DCUN1D1: variants seen among roughly 807,000 people sequenced by gnomAD.
DCUN1D1 encodes DCN1-like protein 1.
A neutral mutation model predicts 39.0 loss-of-function variants in DCUN1D1; 3 were observed. The ratio of observed to expected loss-of-function variants is 0.08; its 90% CI spans 0.04 to 0.20. The LOEUF (loss-of-function observed/expected upper bound fraction) is 0.20. Ranked by LOEUF, DCUN1D1 falls within the 10% of genes least tolerant of loss-of-function variation. The probability of loss-of-function intolerance (pLI) is 1.00; values close to 1 mark genes in which losing one functional copy is unlikely to be tolerated. For synonymous variants in DCUN1D1, 82 were observed against 96.3 expected, an observed-to-expected ratio of 0.85 and a Z score of 0.87; for missense variants, 158 against 302.4, an observed-to-expected ratio of 0.52 and a Z score of 3.54.
intron 1 of DCUN1D1, among the ~76,000 whole-genome samples, chr3:182,969,988 CT>C (rs2108386598): frequency 6.6e-6 from 1 of 152,282 alleles, no homozygotes; most frequent in African/African-American, 2.4e-5. Context: ...GGTGCAGTAA[CT>C]CACGCCTGTA....
chr3:182,947,877 T>C (rs1726498238), intron 4 of DCUN1D1, among the ~76,000 whole-genome samples: 1 of 152,240 alleles, frequency 6.6e-6, no homozygotes, highest in Non-Finnish European at 1.5e-5. Flanking sequence ...GGGAATTCTG[T>C]GTTTTAAATT....
chr3:182,940,268 T>C lies in DCUN1D1; in HGVS notation c.*4826A>G, dbSNP rs1023878327. ...TATTTCATAACCTGAAATAAAATTA[T>C]AATATTCATATGAACATGCATTTGA... is the stretch of plus-strand genomic sequence containing the variant. On this transcript the variant is annotated 3_prime_UTR_variant, in exon 7 of 7. Coordinates refer to ENST00000292782, the MANE Select transcript of DCUN1D1 (RefSeq NM_020640.4). 2 of 152,192 alleles carry C rather than the reference T, an allele frequency of 1.3e-5. No homozygotes were observed. Among genetic ancestry groups the C allele is most frequent in the African/African-American group, 4.8e-5 (2 of 41,460 alleles). 9.4% of individuals were successfully genotyped at this position (152,192 alleles called of 1,614,324 possible).
upstream of DCUN1D1, among the ~76,000 whole-genome samples, chr3:182,983,831 C>T (rs1367036283): frequency 1.3e-5 from 2 of 152,182 alleles, no homozygotes; most frequent in African/African-American, 4.8e-5. Context: ...ACCAAGATCT[C>T]AGTACTCAAC....
At chr3:182,984,888 A>G (rs2108416004), upstream of DCUN1D1, among the ~76,000 whole-genome samples, 1 of 152,302 alleles carries the variant, frequency 6.6e-6, no homozygotes, top group South Asian at 2.1e-4. Context: ...TTAAGCCTGC[A>G]GGGTAAACTA....
chr3:182,973,058 G>T (rs1173068788), intron 1 of DCUN1D1, among the ~76,000 whole-genome samples: 1 of 151,992 alleles, frequency 6.6e-6, no homozygotes, highest in South Asian at 2.1e-4. Context: ...AAAAGGGGGG[G>T]GCTCTGTATT....
chr3:182,973,667 C>A (rs1465392893), intron 1 of DCUN1D1, among the ~76,000 whole-genome samples: 1 of 151,980 alleles, frequency 6.6e-6, no homozygotes, highest in South Asian at 2.1e-4. Context: ...ATTAGCTGGG[C>A]ATGGTGGCGT....
upstream of DCUN1D1, among the ~76,000 whole-genome samples, chr3:182,985,049 C>T (rs986246435): frequency 1.3e-5 from 2 of 152,134 alleles, no homozygotes; most frequent in African/African-American, 2.4e-5. Flanking sequence ...AGGGTAAATG[C>T]GATTGACTGA....
At chr3:182,980,099 C>T in intron 1 of DCUN1D1, 1 of 944,444 alleles carries the variant, frequency 1.1e-6, no homozygotes, top group Non-Finnish European at 1.3e-6. Context: ...CCCCAGTCCC[C>T]GACCAGACAC....
chr3:182,952,839 T>C (rs1306351998), intron 4 of DCUN1D1, among the ~76,000 whole-genome samples: 1 of 152,244 alleles, frequency 6.6e-6, no homozygotes, highest in Non-Finnish European at 1.5e-5. Context: ...ATATTCCTCA[T>C]TTCTAACTAA....
rs1216399451 is a variant in DCUN1D1 at position 182,939,756 on chromosome 3, A to C, written c.*5338T>G. The C allele has an allele frequency of 6.6e-6, 1 of 152,194 alleles. No homozygotes were observed. 9.4% of individuals were successfully genotyped at this position (152,194 alleles called of 1,614,324 possible). A position where few individuals can be genotyped will look rare whatever the true frequency, so the allele number is the denominator to read the frequency against. The stretch of plus-strand genomic sequence containing the variant: ...TTGGGGGCTGATGGACATGTTCTAA[A>C]ATTGGACTGCACAACTCTTAAGTTT... On this transcript the variant is annotated 3_prime_UTR_variant, in exon 7 of 7. Transcript: ENST00000292782.
At chr3:182,956,180 A>T (rs528439614) in intron 4 of DCUN1D1, 63 of 224,626 alleles carry the variant, frequency 2.8e-4, no homozygotes, top group African/African-American at 1.5e-3. Flanking sequence ...CACCCACCTC[A>T]GCCTCCAAAG....
intron 4 of DCUN1D1, among the ~76,000 whole-genome samples, chr3:182,959,923 C>T (rs1003054953): frequency 2.0e-5 from 3 of 152,222 alleles, no homozygotes; most frequent in Non-Finnish European, 2.9e-5. Context: ...TATTATAAAG[C>T]GAGGCTTCCC....
At chr3:182,980,144 TGCCCCCTCCCCTCCCCCC>T in intron 1 of DCUN1D1, 1 of 838,048 alleles carries the variant, frequency 1.2e-6, no homozygotes, top group Non-Finnish European at 1.4e-6. Context: ...GCAAGGCCGT[TGCCCCCTCCCCTCCCCCC>T]GCCCCAACGC....
At chr3:182,962,722 G>C (rs1185396394) in intron 3 of DCUN1D1, among the ~76,000 whole-genome samples, 1 of 152,128 alleles carries the variant, frequency 6.6e-6, no homozygotes, top group Non-Finnish European at 1.5e-5. Flanking sequence ...TTATCCCTTT[G>C]ACAGAGTAAA....
intron 1 of DCUN1D1, among the ~76,000 whole-genome samples, chr3:182,972,930 T>A (rs1036726703): frequency 3.3e-5 from 5 of 152,014 alleles, no homozygotes; most frequent in Non-Finnish European, 5.9e-5. Flanking sequence ...TAATCCCAGC[T>A]ACTCAGGAGG....
At chr3:182,976,444 T>TACACACACACACAC (rs59465164) in intron 1 of DCUN1D1, among the ~76,000 whole-genome samples, 5 of 140,682 alleles carry the variant, frequency 3.6e-5, no homozygotes, top group African/African-American at 1.1e-4. Flanking sequence ...TATACATACA[T>TACACACACACACAC]ACACACACAC....
rs777028043 is a variant in DCUN1D1 at position 182,961,341 on chromosome 3, T to C, written c.405A>G (p.Glu135=). The C allele has an allele frequency of 1.3e-6, 2 of 1,599,966 alleles. No homozygotes were observed. The highest frequency in any genetic ancestry group is 1.7e-6 in the Non-Finnish European group (2 of 1,175,346). Residue 135 remains glutamate, a synonymous_variant, in exon 4 of 7, where the codon GAA becomes GAG. Transcript: ENST00000292782. Reference sequence around the variant, plus strand: ...TCTTGGGTATCTGGGCCTTTAGTTTTTCTATGCTGTCACATCTGCGTCGTA... The same window carrying C: ...TCTTGGGTATCTGGGCCTTTAGTTTCTCTATGCTGTCACATCTGCGTCGTA... ...GMTELGCDSI[E]KLKAQIPKME...
At chr3:182,951,708 T>C (rs1039953324) in intron 4 of DCUN1D1, among the ~76,000 whole-genome samples, 15 of 149,182 alleles carry the variant, frequency 1.0e-4, no homozygotes, top group African/African-American at 3.7e-4. Context: ...TTTTTTTTTT[T>C]TTTTTGAGAC....
In DCUN1D1 at chr3:182,941,206, C is replaced by A. The variant is rs1345160797; in HGVS notation, c.*3888G>T. ...ACTATTTGCCTCCAGAAATCGGGTACAAATAAAGCAAATATTTAAGAAAAA... is the reference window on the plus strand; with the variant it reads ...ACTATTTGCCTCCAGAAATCGGGTAAAAATAAAGCAAATATTTAAGAAAAA... On this transcript the variant is annotated 3_prime_UTR_variant, in exon 7 of 7. Transcript: ENST00000292782. 1 of 151,882 alleles carries A rather than the reference C, an allele frequency of 6.6e-6. No homozygotes were observed. The highest frequency in any genetic ancestry group is 1.5e-5 in the Non-Finnish European group (1 of 67,940). The allele number at this position is 151,882 out of a possible 1,614,324, so 9.4% of individuals were successfully genotyped here.
Sources: gnomAD v4.1 joint callset for allele counts (sites outside exome capture counted in the v4.1 genomes callset) on GRCh38, gnomAD v4.1.1 for gene constraint, MANE v1.5 for transcripts, NCBI Gene and HGNC (gene_info 2026-07-23, HGNC 2026-07-21) for gene names.